GRB10: variants seen among roughly 807,000 people sequenced by gnomAD.
GRB10 encodes the protein growth factor receptor bound protein 10.
Under a neutral mutation model 80.9 loss-of-function variants are expected in GRB10, and 20 were observed. That is an observed-to-expected ratio of 0.25 (90% confidence interval 0.17 to 0.36). The LOEUF (loss-of-function observed/expected upper bound fraction) is 0.36, where lower values mean the gene tolerates loss of function less well. Ranked by LOEUF, GRB10 falls within the 10% of genes least tolerant of loss-of-function variation. GRB10 has a pLI of 1.00. For synonymous variants in GRB10, 291 were observed against 291.5 expected, an observed-to-expected ratio of 1.00 and a Z score of 0.02; for missense variants, 548 against 747.7, an observed-to-expected ratio of 0.73 and a Z score of 3.12.
At chr7:50,769,573 T>C (rs2076757948) in intron 2 of GRB10, among the ~76,000 whole-genome samples, 1 of 152,132 alleles carries the variant, frequency 6.6e-6, no homozygotes, top group South Asian at 2.1e-4. Context: ...TCATGGCCAG[T>C]TTTGTGCACC....
intron 2 of GRB10, among the ~76,000 whole-genome samples, chr7:50,778,626 C>T (rs2077949437): frequency 6.6e-6 from 1 of 152,174 alleles, no homozygotes; most frequent in Non-Finnish European, 1.5e-5. Flanking sequence ...AATAATGGGA[C>T]AACCCAACCC....
chr7:50,707,845 G>C (rs2065259650), intron 4 of GRB10, among the ~76,000 whole-genome samples: 1 of 152,180 alleles, frequency 6.6e-6, no homozygotes, highest in Admixed American at 6.5e-5. Flanking sequence ...CCTGTGCACT[G>C]TGAGGTATGA....
chr7:50,641,517 A>G (rs1048959034), intron 7 of GRB10, among the ~76,000 whole-genome samples: 2 of 152,202 alleles, frequency 1.3e-5, no homozygotes, highest in African/African-American at 4.8e-5. Context: ...CATTTAGAAC[A>G]GATAAGGAAA....
At chr7:50,596,473 G>C (rs1353540295) in intron 17 of GRB10, among the ~76,000 whole-genome samples, 6 of 152,212 alleles carry the variant, frequency 3.9e-5, no homozygotes, top group Non-Finnish European at 7.3e-5. Flanking sequence ...GCTTCTACTC[G>C]AAACGCAGGT....
intron 8 of GRB10, among the ~76,000 whole-genome samples, chr7:50,621,729 G>A (rs1228589757): frequency 6.6e-6 from 1 of 152,204 alleles, no homozygotes; most frequent in Non-Finnish European, 1.5e-5. Context: ...AATGGCCTAA[G>A]TTAAATGGGA....
intron 6 of GRB10, among the ~76,000 whole-genome samples, chr7:50,670,133 C>T (rs1478900462): frequency 1.3e-5 from 2 of 152,186 alleles, no homozygotes; most frequent in South Asian, 2.1e-4. Context: ...ACACAGGCTA[C>T]GACACGGATG....
chr7:50,664,635 A>G (rs1285784422), intron 7 of GRB10, among the ~76,000 whole-genome samples: 1 of 152,092 alleles, frequency 6.6e-6, no homozygotes, highest in African/African-American at 2.4e-5. Flanking sequence ...AAGGCCCCGG[A>G]GGGTCTGACG....
chr7:50,701,608 ATCAT>A (rs145088705), intron 5 of GRB10, among the ~76,000 whole-genome samples: 10,942 of 152,160 alleles, frequency 0.072, 615 homozygotes, highest in South Asian at 0.12. Flanking sequence ...TAAAATAATA[ATCAT>A]TCGTTTGGTG....
rs896201240 is a variant in GRB10 at position 50,627,095 on chromosome 7, C to G, written c.505-117G>C. ...TAGTAGTGCTCCAACACATGGGCAA[C>G]TGTTTTTCCAGGCAGCCAACAGGTC... On this transcript the variant is annotated intron_variant, in intron 7 of 18. Transcript: ENST00000401949. 1.2e-4 allele frequency: 133 copies of G among 1,084,604 alleles called. No individual in the cohort carries two copies. The South Asian group carries it at 1.6e-3, about 13-fold the overall frequency. The allele number at this position is 1,084,604 out of a possible 1,614,324, so 67.2% of individuals were successfully genotyped here.
chr7:50,670,667 A>G (rs1377081037), intron 6 of GRB10, among the ~76,000 whole-genome samples: 1 of 152,166 alleles, frequency 6.6e-6, no homozygotes, highest in Non-Finnish European at 1.5e-5. Flanking sequence ...AGTTTTCTGA[A>G]TATGAGCATT....
At chr7:50,631,777 G>T (rs965191884) in intron 7 of GRB10, among the ~76,000 whole-genome samples, 2 of 152,214 alleles carry the variant, frequency 1.3e-5, no homozygotes, top group African/African-American at 4.8e-5. Flanking sequence ...TGCCAGGAAG[G>T]CAAAGGAAGC....
chr7:50,773,478 GAA>G (rs2077234075), intron 2 of GRB10, among the ~76,000 whole-genome samples: 1 of 57,396 alleles, frequency 1.7e-5, no homozygotes, highest in Admixed American at 1.7e-4. Flanking sequence ...CAGGGGAGGG[GAA>G]GGCAGGGGAG....
intron 7 of GRB10, among the ~76,000 whole-genome samples, chr7:50,662,700 C>T (rs1440527792): frequency 2.0e-5 from 3 of 152,238 alleles, no homozygotes; most frequent in Non-Finnish European, 4.4e-5. Context: ...AAAATAGTCT[C>T]TCCCTTGCAG....
At chr7:50,662,493 G>C (rs959375624) in intron 7 of GRB10, among the ~76,000 whole-genome samples, 5 of 152,170 alleles carry the variant, frequency 3.3e-5, no homozygotes, top group South Asian at 2.1e-4. Flanking sequence ...CAGGCAGGAG[G>C]GGGGACAGAC....
At chr7:50,594,638 C>G (rs111753307) in intron 18 of GRB10, among the ~76,000 whole-genome samples, 6,087 of 152,224 alleles carry the variant, frequency 0.04, 402 homozygotes, top group African/African-American at 0.14. Context: ...ATCAATTCAG[C>G]ATGTAAACAG....
chr7:50,672,098 A>G (rs1016328034), intron 6 of GRB10, among the ~76,000 whole-genome samples: 1 of 152,190 alleles, frequency 6.6e-6, no homozygotes, highest in South Asian at 2.1e-4. Context: ...CGGCTCACCC[A>G]TCGGCTTTCC....
chr7:50,696,811 A>T (rs2063479034), intron 5 of GRB10, among the ~76,000 whole-genome samples: 1 of 152,224 alleles, frequency 6.6e-6, no homozygotes. Flanking sequence ...CCACTTCTAG[A>T]TACATACCCC....
chr7:50,779,125 T>C (rs1230729959), intron 2 of GRB10: 2 of 152,200 alleles, frequency 1.3e-5, no homozygotes, highest in African/African-American at 4.8e-5. Context: ...TTATTAATAA[T>C]AGTTCTTACC....
chr7:50,666,962 C>T (rs1289554796), intron 7 of GRB10, among the ~76,000 whole-genome samples: 1 of 151,352 alleles, frequency 6.6e-6, no homozygotes, highest in African/African-American at 2.4e-5. Context: ...CTGGCGTGAA[C>T]CCAGGAGGCA....
Sources: allele counts gnomAD v4.1 joint callset (sites outside exome capture counted in the v4.1 genomes callset), GRCh38; gene constraint gnomAD v4.1.1; transcripts MANE v1.5; gene names NCBI Gene and HGNC (gene_info 2026-07-23, HGNC 2026-07-21).